Variants in PTPRD observed in about 807,000 individuals in gnomAD.
PTPRD encodes receptor-type tyrosine-protein phosphatase delta.
A neutral mutation model predicts 214.5 loss-of-function variants in PTPRD; 34 were observed. That is an observed-to-expected ratio of 0.16 (90% CI 0.12 to 0.21). PTPRD has a LOEUF of 0.21. Ranked by LOEUF, PTPRD falls within the 10% of genes least tolerant of loss-of-function variation. The probability of loss-of-function intolerance (pLI) is 1.00; values close to 1 mark genes in which losing one functional copy is unlikely to be tolerated. For synonymous variants in PTPRD, 1,128 were observed against 845.7 expected (o/e 1.33, Z -5.79); for missense variants, 2,545 against 2,398.7 (o/e 1.06, Z -1.27).
chr9:9,562,608 A>G (rs1156767205), intron 8 of PTPRD, among the ~76,000 whole-genome samples: 3 of 151,856 alleles, frequency 2.0e-5, no homozygotes, highest in Non-Finnish European at 2.9e-5. Context: ...CCTCTTTGCT[A>G]TTTTTCAAGC....
At chr9:9,676,303 TGTGTGATGTTCCCCTTCCTG>T (rs548067202) in intron 7 of PTPRD, among the ~76,000 whole-genome samples, 73 of 108,882 alleles carry the variant, frequency 6.7e-4, no homozygotes, top group African/African-American at 2.5e-3. Flanking sequence ...CAGGCCCCAG[TGTGTGATGTTCCCCTTCCTG>T]TGTCCATGTG....
intron 8 of PTPRD, among the ~76,000 whole-genome samples, chr9:9,405,843 T>A (rs1720621514): frequency 6.6e-6 from 1 of 151,990 alleles, no homozygotes; most frequent in Non-Finnish European, 1.5e-5. Context: ...TTGGAATGTG[T>A]ATTGATGTTT....
intron 2 of PTPRD, among the ~76,000 whole-genome samples, chr9:10,568,308 A>G (rs2066318609): frequency 6.6e-6 from 1 of 151,974 alleles, no homozygotes; most frequent in Non-Finnish European, 1.5e-5. Context: ...ATCATTTTTT[A>G]TGGCTGCATA....
At chr9:10,063,792 G>T (rs981192871) in intron 3 of PTPRD, among the ~76,000 whole-genome samples, 1 of 151,982 alleles carries the variant, frequency 6.6e-6, no homozygotes, top group African/African-American at 2.4e-5. Context: ...GAGGTAACTG[G>T]ACTGTGAAAC....
At chr9:9,550,129 A>G (rs994914655) in intron 8 of PTPRD, among the ~76,000 whole-genome samples, 2 of 152,000 alleles carry the variant, frequency 1.3e-5, no homozygotes, top group Non-Finnish European at 2.9e-5. Flanking sequence ...AATTCATCTT[A>G]TCAGTTGAAG....
intron 2 of PTPRD, among the ~76,000 whole-genome samples, chr9:10,517,863 G>T (rs963670141): frequency 5.9e-5 from 9 of 152,058 alleles, no homozygotes; most frequent in African/African-American, 2.2e-4. Context: ...TGTGTTTAAA[G>T]AATCTGTATA....
chr9:10,203,001 A>T (rs2099437259), intron 3 of PTPRD, among the ~76,000 whole-genome samples: 1 of 152,074 alleles, frequency 6.6e-6, no homozygotes, highest in Non-Finnish European at 1.5e-5. Flanking sequence ...GTATTCTGTT[A>T]TAGAAATTTA....
At chr9:10,559,696 T>C (rs969804249) in intron 2 of PTPRD, among the ~76,000 whole-genome samples, 4 of 151,776 alleles carry the variant, frequency 2.6e-5, no homozygotes, top group Non-Finnish European at 5.9e-5. Flanking sequence ...TACAATGAAC[T>C]CAAACAAATT....
At chr9:8,330,573 G>A (rs903787847) in intron 44 of PTPRD, among the ~76,000 whole-genome samples, 1 of 130,342 alleles carries the variant, frequency 7.7e-6, no homozygotes. Context: ...ATAGAAAGTA[G>A]AAAGCAAATG....
intron 12 of PTPRD, among the ~76,000 whole-genome samples, chr9:8,707,833 C>T (rs1399327557): frequency 1.3e-5 from 2 of 152,208 alleles, no homozygotes; most frequent in Non-Finnish European, 2.9e-5. Flanking sequence ...ACAGTGTTCA[C>T]ATCTGTCATC....
intron 10 of PTPRD, among the ~76,000 whole-genome samples, chr9:9,093,171 C>G (rs990551127): frequency 8.6e-5 from 13 of 151,958 alleles, no homozygotes; most frequent in Non-Finnish European, 1.6e-4. Flanking sequence ...AACGGAACTT[C>G]CAAATACTAG....
chr9:8,768,613 A>G (rs1332875295), intron 11 of PTPRD, among the ~76,000 whole-genome samples: 1 of 152,158 alleles, frequency 6.6e-6, no homozygotes, highest in African/African-American at 2.4e-5. Flanking sequence ...TAACTACAAA[A>G]TGACACCCAG....
In PTPRD at chr9:9,691,063, T is replaced by C. The variant is rs1293991100; in HGVS notation, c.-287+43470A>G. Among the ~76,000 whole-genome samples, 5 of 151,966 alleles carry C rather than the reference T, an allele frequency of 3.3e-5. No individual in the cohort carries two copies. In the East Asian group the frequency reaches 5.8e-4, roughly 18 times the overall value. ...ATATACTTATGGTGTACACGAGATA[T>C]TTTGGTACAGGCATGCAATGCATAA... On this transcript the variant is annotated intron_variant, in intron 7 of 45. Coordinates refer to ENST00000381196, the MANE Select transcript of PTPRD (RefSeq NM_002839.4).
chr9:8,816,800 T>A (rs1009415021), intron 11 of PTPRD, among the ~76,000 whole-genome samples: 2 of 152,192 alleles, frequency 1.3e-5, no homozygotes, highest in African/African-American at 4.8e-5. Context: ...TCTTTAGGAA[T>A]AGAAGAAGAA....
intron 5 of PTPRD, among the ~76,000 whole-genome samples, chr9:9,887,413 A>G (rs2071371342): frequency 6.6e-6 from 1 of 152,196 alleles, no homozygotes; most frequent in Non-Finnish European, 1.5e-5. Context: ...GGATACATAT[A>G]GTCATGTGTG....
At chr9:8,511,188 C>T (rs1238943183) in intron 21 of PTPRD, among the ~76,000 whole-genome samples, 1 of 152,136 alleles carries the variant, frequency 6.6e-6, no homozygotes, top group Non-Finnish European at 1.5e-5. Context: ...TCCACCTCAG[C>T]CCCCTGAGTA....
At chr9:10,056,799 C>G (rs756931493) in intron 3 of PTPRD, among the ~76,000 whole-genome samples, 35 of 152,104 alleles carry the variant, frequency 2.3e-4, no homozygotes, top group Non-Finnish European at 4.3e-4. Context: ...AAATTAAGCT[C>G]TTTTGCAAGC....
intron 9 of PTPRD, among the ~76,000 whole-genome samples, chr9:9,236,247 C>T (rs1007362429): frequency 2.0e-5 from 3 of 152,072 alleles, no homozygotes; most frequent in African/African-American, 7.2e-5. Context: ...GAACAAAACC[C>T]CATCCCAAAA....
At chr9:9,851,811 C>A (rs899166849) in intron 5 of PTPRD, among the ~76,000 whole-genome samples, 2 of 152,188 alleles carry the variant, frequency 1.3e-5, no homozygotes, top group African/African-American at 4.8e-5. Flanking sequence ...AGTATAATTT[C>A]ACTGGGCACA....
Sources: gnomAD v4.1 joint callset for allele counts (sites outside exome capture counted in the v4.1 genomes callset) on GRCh38, gnomAD v4.1.1 for gene constraint, MANE v1.5 for transcripts, NCBI Gene and HGNC (gene_info 2026-07-23, HGNC 2026-07-21) for gene names.